Variants in TIMP2 observed in about 807,000 individuals in gnomAD.
TIMP2 encodes the protein metalloproteinase inhibitor 2.
TIMP2 carries 5 observed loss-of-function variants against 24.3 expected under a neutral mutation model. The ratio of observed to expected loss-of-function variants is 0.21; its 90% CI spans 0.11 to 0.43. The LOEUF (loss-of-function observed/expected upper bound fraction) is 0.43, where lower values mean the gene tolerates loss of function less well. Among genes scored for constraint, TIMP2 ranks in the 20% least tolerant of loss-of-function variants. TIMP2 has a pLI of 1.00. For missense variants in TIMP2, 221 were observed against 297.5 expected, an observed-to-expected ratio of 0.74 and a Z score of 1.89; for synonymous variants, 130 against 123.2, an observed-to-expected ratio of 1.06 and a Z score of -0.37.
intron 1 of TIMP2, chr17:78,892,239 C>T: frequency 1.9e-6 from 3 of 1,551,004 alleles, no homozygotes; most frequent in Non-Finnish European, 2.6e-6. Context: ...GCGAGATCGC[C>T]TTTGCCCCGG....
chr17:78,918,089 C>T (rs1019623955), intron 1 of TIMP2, among the ~76,000 whole-genome samples: 5 of 150,064 alleles, frequency 3.3e-5, no homozygotes, highest in Admixed American at 3.3e-4. Flanking sequence ...CACACACACA[C>T]ACACACACAC....
rs888268700 is a variant in TIMP2 at position 78,891,628 on chromosome 17, C to T, written c.131-17709G>A. On this transcript the variant is annotated intron_variant, in intron 1 of 4. Transcript: ENST00000262768. This position sits in a 1 kb window ranked among gnomAD's most constrained non-coding sequence, Gnocchi z 4.5. ...GACTCTGTCCCTGAGAGCGACTGGT[C>T]AGGGCTGGAACAAAGCAAACTGCCC... 1 of 1,550,942 alleles carries T rather than the reference C, an allele frequency of 6.4e-7. No individual in the cohort carries two copies. The highest frequency in any genetic ancestry group is 1.4e-5 in the African/African-American group (1 of 73,158).
intron 1 of TIMP2, among the ~76,000 whole-genome samples, chr17:78,879,074 G>A (rs575943355): frequency 2.6e-5 from 4 of 152,202 alleles, no homozygotes; most frequent in Non-Finnish European, 4.4e-5. Flanking sequence ...TCAGAGCAGC[G>A]GGTACCTGTC....
At chr17:78,895,199 T>C (rs916412319) in intron 1 of TIMP2, among the ~76,000 whole-genome samples, 1 of 152,130 alleles carries the variant, frequency 6.6e-6, no homozygotes, top group African/African-American at 2.4e-5. Context: ...GAGAATTGCT[T>C]GTATCTGGGA....
chr17:78,857,697 C>G (rs778699837), intron 3 of TIMP2, 51 bp from the exon 4 acceptor site: 1 of 1,610,956 alleles, frequency 6.2e-7, no homozygotes, highest in East Asian at 2.2e-5. Context: ...AAGTCCTCCT[C>G]CTGCCCAGCT....
At chr17:78,897,939 G>A (rs1599166630) in intron 1 of TIMP2, 1 of 152,192 alleles carries the variant, frequency 6.6e-6, no homozygotes, top group African/African-American at 2.4e-5. Context: ...TTGGGATAAA[G>A]TCCAGAAAAT....
intron 1 of TIMP2, among the ~76,000 whole-genome samples, chr17:78,876,671 C>A (rs1009842994): frequency 6.6e-6 from 1 of 150,804 alleles, no homozygotes; most frequent in Non-Finnish European, 1.5e-5. Context: ...TAACTGCCAC[C>A]TTGCCAGGCT....
chr17:78,912,759 C>T (rs770338005), intron 1 of TIMP2, among the ~76,000 whole-genome samples: 4 of 152,148 alleles, frequency 2.6e-5, no homozygotes, highest in Admixed American at 6.6e-5. Context: ...GCTGGGGATC[C>T]GAAAAGGTTT....
chr17:78,924,932 G>T lies in TIMP2; in HGVS notation c.130+27C>A. On this transcript the variant is annotated intron_variant, in intron 1 of 4. Transcript: ENST00000262768. The surrounding 1 kb of genome is among the most constrained non-coding windows in gnomAD (Gnocchi z 5.3). Reference sequence around the variant, plus strand: ...GGTCGCGGGGGAGGTGGGGCCCCGCGCGGGGGCTGGGGTCGCCGCTCCTTA... The same window carrying T: ...GGTCGCGGGGGAGGTGGGGCCCCGCTCGGGGGCTGGGGTCGCCGCTCCTTA... 8.2e-7 allele frequency: 1 copy of T among 1,220,010 alleles called. No homozygotes were observed. The allele number at this position is 1,220,010 out of a possible 1,614,324, so 75.6% of individuals were successfully genotyped here. A position where few individuals can be genotyped will look rare whatever the true frequency, so the allele number is the denominator to read the frequency against.
chr17:78,884,237 G>A (rs1599155500), intron 1 of TIMP2, among the ~76,000 whole-genome samples: 3 of 152,178 alleles, frequency 2.0e-5, no homozygotes, highest in Non-Finnish European at 4.4e-5. Context: ...TGACAACTCC[G>A]GAGCCAGGGG....
At chr17:78,888,108 T>C (rs1364859194) in intron 1 of TIMP2, among the ~76,000 whole-genome samples, 1 of 151,972 alleles carries the variant, frequency 6.6e-6, no homozygotes, top group East Asian at 1.9e-4. Flanking sequence ...TGGATAAAGA[T>C]AGGGAGGGCT....
At chr17:78,882,126 G>T (rs554397460) in intron 1 of TIMP2, among the ~76,000 whole-genome samples, 1 of 152,084 alleles carries the variant, frequency 6.6e-6, no homozygotes, top group Non-Finnish European at 1.5e-5. Context: ...CACCATGCCC[G>T]GCTGATTTTT....
At chr17:78,876,878 A>T (rs1376192555) in intron 1 of TIMP2, among the ~76,000 whole-genome samples, 1 of 148,464 alleles carries the variant, frequency 6.7e-6, no homozygotes, top group Non-Finnish European at 1.5e-5. Context: ...CTCTGCCTGG[A>T]GAACTTTTCT....
At chr17:78,889,075 C>T (rs1454744381) in intron 1 of TIMP2, among the ~76,000 whole-genome samples, 3 of 152,218 alleles carry the variant, frequency 2.0e-5, no homozygotes, top group Non-Finnish European at 4.4e-5. Flanking sequence ...AACCTGGCCA[C>T]GCCCTTTCAT....
intron 1 of TIMP2, among the ~76,000 whole-genome samples, chr17:78,875,881 A>G (rs568383201): frequency 3.3e-5 from 5 of 152,286 alleles, no homozygotes; most frequent in Non-Finnish European, 7.4e-5. Flanking sequence ...GGCTGGCATC[A>G]GAGTCCCACA....
intron 1 of TIMP2, chr17:78,901,982 C>A (rs2070100147): frequency 1.7e-6 from 1 of 590,918 alleles, no homozygotes. Context: ...ATTTTTAACT[C>A]CGTTTCTCTG....
intron 1 of TIMP2, among the ~76,000 whole-genome samples, chr17:78,886,228 C>T (rs2069824072): frequency 2.0e-5 from 3 of 152,132 alleles, no homozygotes; most frequent in South Asian, 2.1e-4. Context: ...AGTTTTAGCT[C>T]GTGTGGTCAA....
intron 1 of TIMP2, among the ~76,000 whole-genome samples, chr17:78,885,086 C>A (rs1195528478): frequency 6.6e-6 from 1 of 152,238 alleles, no homozygotes; most frequent in African/African-American, 2.4e-5. Context: ...AAAGCACAAG[C>A]AACGCTGCTG....
intron 1 of TIMP2, among the ~76,000 whole-genome samples, chr17:78,913,381 T>C (rs1428827859): frequency 6.6e-6 from 1 of 151,956 alleles, no homozygotes; most frequent in East Asian, 1.9e-4. Context: ...TTTAGAGGAG[T>C]GACCTCATGG....
Sources: allele counts gnomAD v4.1 joint callset (sites outside exome capture counted in the v4.1 genomes callset), GRCh38; gene constraint gnomAD v4.1.1; non-coding constraint Gnocchi (gnomAD v3.1); transcripts MANE v1.5; gene names NCBI Gene and HGNC (gene_info 2026-07-23, HGNC 2026-07-21).